Variants in CCDC171 observed in about 807,000 individuals in gnomAD.
CCDC171 encodes coiled-coil domain-containing protein 171.
CCDC171 carries 177 observed loss-of-function variants against 168.2 expected under a neutral mutation model. That is an observed-to-expected ratio of 1.05 (90% CI 0.93 to 1.19). CCDC171 has a LOEUF of 1.19. Ranked by LOEUF, CCDC171 falls within the 50% of genes most tolerant of loss-of-function variation. CCDC171 has a pLI of 0.00. For synonymous variants in CCDC171, 687 were observed against 540.8 expected, an observed-to-expected ratio of 1.27 and a Z score of -3.75; for missense variants, 1,991 against 1,539.0, an observed-to-expected ratio of 1.29 and a Z score of -4.91.
Position 15,593,747 on chromosome 9 carries a change from C to T in CCDC171, c.544-294C>T, listed in dbSNP as rs143258363. Among the ~76,000 whole-genome samples the T allele has an allele frequency of 2.3e-3, 354 of 151,862 alleles. 2 individuals carry two copies. Among genetic ancestry groups the T allele is most frequent in the African/African-American group, 8.0e-3 (332 of 41,466 alleles). On this transcript the variant is annotated intron_variant, in intron 5 of 25. Transcript: ENST00000380701. ...TTCAGAAAAATTGGGTCAAATATATCCCTATATAATAAACAGGTATATACA... is the reference window on the plus strand; with the variant it reads ...TTCAGAAAAATTGGGTCAAATATATTCCTATATAATAAACAGGTATATACA...
intron 25 of CCDC171, among the ~76,000 whole-genome samples, chr9:15,929,170 G>A (rs1369375725): frequency 2.0e-5 from 3 of 151,620 alleles, no homozygotes; most frequent in African/African-American, 7.3e-5. Context: ...AGAAGTGCCA[G>A]AATTAAAATT....
At chr9:15,674,618 C>G (rs1198457391) in intron 9 of CCDC171, among the ~76,000 whole-genome samples, 6 of 152,116 alleles carry the variant, frequency 3.9e-5, no homozygotes, top group Non-Finnish European at 5.9e-5. Context: ...TTGTTATTTA[C>G]TGAGTAGTCA....
In CCDC171 at chr9:15,745,535, C is replaced by T. The variant is rs1269290729; in HGVS notation, c.2575C>T (p.Arg859Cys). 4.4e-6 allele frequency: 7 copies of T among 1,575,698 alleles called. No individual in the cohort carries two copies. Among genetic ancestry groups the T allele is most frequent in the East Asian group, 2.3e-5 (1 of 42,618 alleles). The stretch of plus-strand genomic sequence containing the variant: ...TATAGAACATCAAAAGGAGCAGTTG[C>T]GTTGTTTACAAGCGCTCAGTTGGCT... ...KFPKHQKEQL[R>C]CLQALSWLTS... The change falls in exon 18 of 26, where the codon CGT becomes TGT. Residue 859 changes from arginine to cysteine, a missense_variant. Transcript: ENST00000380701.
intron 25 of CCDC171, among the ~76,000 whole-genome samples, chr9:15,966,301 T>C (rs148987919): frequency 6.6e-5 from 10 of 152,244 alleles, no homozygotes; most frequent in East Asian, 5.8e-4. Context: ...AAGAGCAGAA[T>C]TGGACAGACT....
At chr9:15,569,108 T>C (rs2131019487) in intron 2 of CCDC171, among the ~76,000 whole-genome samples, 1 of 152,372 alleles carries the variant, frequency 6.6e-6, no homozygotes, top group East Asian at 1.9e-4. Flanking sequence ...TTCCTTGTTT[T>C]CTGAAATTTC....
At chr9:15,778,849 G>T in intron 19 of CCDC171, 119 bp from the exon 20 acceptor site, 1 of 671,142 alleles carries the variant, frequency 1.5e-6, no homozygotes, top group South Asian at 5.9e-5. Context: ...CTACATTTCT[G>T]TAATAGCTAG....
At chr9:15,700,380 C>G (rs956293032) in intron 11 of CCDC171, among the ~76,000 whole-genome samples, 1 of 152,254 alleles carries the variant, frequency 6.6e-6, no homozygotes, top group Non-Finnish European at 1.5e-5. Flanking sequence ...TCCAGCTGGC[C>G]TGCAAGCGCT....
chr9:15,872,986 G>T (rs528611694), intron 23 of CCDC171, among the ~76,000 whole-genome samples: 2 of 152,140 alleles, frequency 1.3e-5, no homozygotes, highest in Non-Finnish European at 2.9e-5. Flanking sequence ...GAGAGTGTTT[G>T]TTGCAGATAA....
intron 4 of CCDC171, among the ~76,000 whole-genome samples, chr9:15,588,782 A>T (rs1271263385): frequency 2.8e-5 from 4 of 145,300 alleles, no homozygotes; most frequent in African/African-American, 1.0e-4. Flanking sequence ...ACCTCGGCTC[A>T]CTGCAAGCTC....
chr9:16,000,451 A>T (rs747071735), intron 3 of CCDC171, among the ~76,000 whole-genome samples: 2 of 152,192 alleles, frequency 1.3e-5, no homozygotes, highest in Non-Finnish European at 1.5e-5. Context: ...AAAAGTTTCT[A>T]GGTAGAAAAA....
chr9:15,789,918 A>G (rs937848342), intron 21 of CCDC171, among the ~76,000 whole-genome samples: 1 of 152,212 alleles, frequency 6.6e-6, no homozygotes, highest in Admixed American at 6.5e-5. Context: ...ATGTCCCTAT[A>G]AAGGACATGA....
intron 4 of CCDC171, chr9:16,022,188 C>T (rs3124458): frequency 0.16 from 24,361 of 152,162 alleles, 1,990 homozygotes; most frequent in Middle Eastern, 0.2. Flanking sequence ...ATATCCTAAC[C>T]GACATTGAAT....
intron 25 of CCDC171, among the ~76,000 whole-genome samples, chr9:15,954,882 AGTT>A (rs2132534854): frequency 6.6e-6 from 1 of 152,116 alleles, no homozygotes; most frequent in East Asian, 1.9e-4. Flanking sequence ...TCTGTAAGAC[AGTT>A]GTTGTAATGT....
At chr9:16,100,658 TGTAACACTGGGCTG>T in the CCDC171 span, among the ~76,000 whole-genome samples, 1 of 152,038 alleles carries the variant, frequency 6.6e-6, no homozygotes, top group Non-Finnish European at 1.5e-5. Flanking sequence ...CCTGGTAAAA[TGTAACACTGGGCTG>T]GCCAGAGTTG....
At chr9:16,098,471 A>C in the CCDC171 span, among the ~76,000 whole-genome samples, 14 of 152,370 alleles carry the variant, frequency 9.2e-5, no homozygotes, top group African/African-American at 3.1e-4. Context: ...AAGGAGAATA[A>C]GAAAGCTGGC....
downstream of CCDC171, among the ~76,000 whole-genome samples, chr9:16,064,602 G>C (rs1369531906): frequency 1.3e-5 from 2 of 152,146 alleles, no homozygotes; most frequent in African/African-American, 4.8e-5. Flanking sequence ...TCATCACTTG[G>C]CTCTCAATGA....
intron 11 of CCDC171, among the ~76,000 whole-genome samples, chr9:15,718,147 G>T (rs1005633753): frequency 2.6e-5 from 4 of 152,192 alleles, no homozygotes; most frequent in African/African-American, 9.7e-5. Flanking sequence ...TTCACCACAA[G>T]CTGACTGAAG....
At chr9:15,996,973 C>T (rs1016849497) in intron 3 of CCDC171, among the ~76,000 whole-genome samples, 5 of 152,066 alleles carry the variant, frequency 3.3e-5, no homozygotes, top group Admixed American at 1.3e-4. Flanking sequence ...TCATTGTGTC[C>T]TGGACCTCAT....
At chr9:16,088,110 A>C in the CCDC171 span, among the ~76,000 whole-genome samples, 2 of 152,220 alleles carry the variant, frequency 1.3e-5, no homozygotes, top group East Asian at 1.9e-4. Flanking sequence ...AAACAGACCC[A>C]ATGACAAAAA....
Sources: gnomAD v4.1 joint callset for allele counts (sites outside exome capture counted in the v4.1 genomes callset) on GRCh38, gnomAD v4.1.1 for gene constraint, MANE v1.5 for transcripts, NCBI Gene and HGNC (gene_info 2026-07-23, HGNC 2026-07-21) for gene names.